The following RABGEF1 variants were observed in gnomAD, a reference collection of about 807,000 sequenced individuals.
RABGEF1 encodes RAB guanine nucleotide exchange factor 1.
Under a neutral mutation model 57.3 loss-of-function variants are expected in RABGEF1, and 26 were observed. That is an observed-to-expected ratio of 0.45 (90% CI 0.33 to 0.63). The LOEUF is 0.63. Among genes scored for constraint, RABGEF1 ranks in the 20% least tolerant of loss-of-function variants. The probability of loss-of-function intolerance (pLI) is 0.02; values close to 1 mark genes in which losing one functional copy is unlikely to be tolerated. For synonymous variants in RABGEF1, 185 were observed against 210.7 expected (o/e 0.88, Z 1.06); for missense variants, 464 against 607.6 (o/e 0.76, Z 2.48).
At chr7:66,719,448 G>C (rs1227873682) in intron 2 of RABGEF1, among the ~76,000 whole-genome samples, 1 of 152,044 alleles carries the variant, frequency 6.6e-6, no homozygotes, top group African/African-American at 2.4e-5. Flanking sequence ...CAAGCACCTC[G>C]GCCCCCCGCA....
At chr7:66,790,275 G>A (rs1169135386) in intron 4 of RABGEF1, among the ~76,000 whole-genome samples, 1 of 152,230 alleles carries the variant, frequency 6.6e-6, no homozygotes, top group Admixed American at 6.5e-5. Flanking sequence ...GAAGTGTTCA[G>A]CAAGCACTGC....
chr7:66,709,247 G>C (rs1794506283), intron 1 of RABGEF1, among the ~76,000 whole-genome samples: 1 of 152,100 alleles, frequency 6.6e-6, no homozygotes, highest in Non-Finnish European at 1.5e-5. Flanking sequence ...GACCTCAGGT[G>C]ATCTGCCTTC....
At chr7:66,710,825 G>A (rs1157741413) in intron 1 of RABGEF1, among the ~76,000 whole-genome samples, 22 of 152,062 alleles carry the variant, frequency 1.4e-4, no homozygotes, top group Non-Finnish European at 1.5e-5. Context: ...TTGGGGCTGA[G>A]CACAGTGGTT....
At chr7:66,766,710 C>CTTGT (rs1554316201) in intron 1 of RABGEF1, among the ~76,000 whole-genome samples, 1 of 149,244 alleles carries the variant, frequency 6.7e-6, no homozygotes, top group South Asian at 2.1e-4. Context: ...ACTGTTACCT[C>CTTGT]TTATTTATTT....
At chr7:66,799,104 A>G (rs1282046958) in intron 6 of RABGEF1, among the ~76,000 whole-genome samples, 2 of 152,364 alleles carry the variant, frequency 1.3e-5, no homozygotes, top group African/African-American at 2.4e-5. Flanking sequence ...AGTCAGCAAG[A>G]TGGCCTTCCA....
intron 5 of RABGEF1, chr7:66,796,665 T>C (rs1406100834): frequency 7.6e-6 from 2 of 263,032 alleles, no homozygotes; most frequent in Non-Finnish European, 1.5e-5. Context: ...TGACCTCGGC[T>C]CACTGCAACT....
At chr7:66,766,355 C>T (rs1805707505) in intron 1 of RABGEF1, among the ~76,000 whole-genome samples, 1 of 150,778 alleles carries the variant, frequency 6.6e-6, no homozygotes, top group South Asian at 2.1e-4. Flanking sequence ...CTGCCACTTA[C>T]TACCTTTTTG....
At chr7:66,767,576 T>C (rs1001002291) in intron 1 of RABGEF1, among the ~76,000 whole-genome samples, 8 of 152,200 alleles carry the variant, frequency 5.3e-5, no homozygotes, top group Admixed American at 5.2e-4. Flanking sequence ...TATGTTGAAA[T>C]TCTAAACCAC....
intron 1 of RABGEF1, among the ~76,000 whole-genome samples, chr7:66,750,391 G>A (rs1014676917): frequency 6.6e-6 from 1 of 152,134 alleles, no homozygotes; most frequent in Non-Finnish European, 1.5e-5. Flanking sequence ...CAGTATTTAA[G>A]TTCTTTAAAT....
At chr7:66,732,012 G>C (rs1797376766) in intron 2 of RABGEF1, among the ~76,000 whole-genome samples, 2 of 152,324 alleles carry the variant, frequency 1.3e-5, no homozygotes, top group African/African-American at 4.8e-5. Flanking sequence ...AACAAGATGA[G>C]CAGCTGCTCA....
upstream of RABGEF1, among the ~76,000 whole-genome samples, chr7:66,678,081 A>G (rs1789415427): frequency 6.6e-6 from 1 of 152,000 alleles, no homozygotes; most frequent in Non-Finnish European, 1.5e-5. Flanking sequence ...GAAACCTACA[A>G]AGGAAAATCC....
At chr7:66,801,959 G>A (rs2129183585) in intron 7 of RABGEF1, among the ~76,000 whole-genome samples, 1 of 152,330 alleles carries the variant, frequency 6.6e-6, no homozygotes, top group Non-Finnish European at 1.5e-5. Context: ...CCAGGCTGGA[G>A]TGCAAGTGGC....
intron 1 of RABGEF1, among the ~76,000 whole-genome samples, chr7:66,751,032 C>CTT (rs765625657): frequency 0.044 from 6,284 of 142,836 alleles, 220 homozygotes; most frequent in Non-Finnish European, 0.07. Flanking sequence ...CTCTTTTTTT[C>CTT]TTTTTTTTTT....
intron 1 of RABGEF1, among the ~76,000 whole-genome samples, chr7:66,758,165 C>T (rs572998782): frequency 6.6e-6 from 1 of 152,208 alleles, no homozygotes; most frequent in Admixed American, 6.5e-5. Context: ...GGAAGCGGAC[C>T]GCCAAGAAGG....
At chr7:66,702,347 TTGTGTGTG>T (rs58655312) in intron 1 of RABGEF1, among the ~76,000 whole-genome samples, 7,665 of 143,934 alleles carry the variant, frequency 0.053, 355 homozygotes, top group East Asian at 0.27. Flanking sequence ...ATTGTTTTGT[TTGTGTGTG>T]TGTGTGTGTG....
At chr7:66,791,721 C>T (rs1248857051) in intron 4 of RABGEF1, among the ~76,000 whole-genome samples, 1 of 152,166 alleles carries the variant, frequency 6.6e-6, no homozygotes, top group Non-Finnish European at 1.5e-5. Flanking sequence ...TAGAGTGCCT[C>T]TCAGCATAAT....
upstream of RABGEF1, among the ~76,000 whole-genome samples, chr7:66,679,452 G>T (rs1437384966): frequency 6.6e-6 from 1 of 152,260 alleles, no homozygotes; most frequent in East Asian, 1.9e-4. Context: ...GGGACTACAG[G>T]TATAGGCCAC....
chr7:66,658,533 CAAAAAAAAAA>C, the RABGEF1 span, among the ~76,000 whole-genome samples: 2 of 75,564 alleles, frequency 2.6e-5, no homozygotes, highest in African/African-American at 1.1e-4. Context: ...ACTTCGTCTC[CAAAAAAAAAA>C]AAAAAAAAGA....
rs561408763 is a variant in RABGEF1 at position 66,760,873 on chromosome 7, C to T, written c.-17-11010C>T. 5.3e-5 allele frequency among the ~76,000 whole-genome samples: 8 copies of T among 152,318 alleles called. No individual in the cohort carries two copies. In the South Asian group the frequency reaches 1.2e-3, roughly 24 times the overall value. On this transcript the variant is annotated intron_variant, in intron 1 of 8. Coordinates refer to ENST00000284957, the MANE Select transcript of RABGEF1 (RefSeq NM_014504.3). ...TGAACGCTTGACTTTGAGCCATCCT[C>T]CCACCTTCGCCTCCCAAAGTGCTGG...
Sources: gnomAD v4.1 joint callset for allele counts (sites outside exome capture counted in the v4.1 genomes callset) on GRCh38, gnomAD v4.1.1 for gene constraint, MANE v1.5 for transcripts, NCBI Gene and HGNC (gene_info 2026-07-23, HGNC 2026-07-21) for gene names.